STPG4: variants seen among roughly 807,000 people sequenced by gnomAD.
The protein encoded by STPG4 is sperm-tail PG-rich repeat containing 4.
Under a neutral mutation model 31.5 loss-of-function variants are expected in STPG4, and 41 were observed. The ratio of observed to expected loss-of-function variants is 1.30; its 90% CI spans 1.01 to 1.69. The LOEUF (loss-of-function observed/expected upper bound fraction) is 1.69. Among genes scored for constraint, STPG4 ranks in the 40% most tolerant of loss-of-function variants. The probability of loss-of-function intolerance (pLI) is 0.00; values close to 1 mark genes in which losing one functional copy is unlikely to be tolerated. For missense variants in STPG4, 375 were observed against 293.4 expected, an observed-to-expected ratio of 1.28 and a Z score of -2.03; for synonymous variants, 141 against 103.0, an observed-to-expected ratio of 1.37 and a Z score of -2.24.
intron 5 of STPG4, among the ~76,000 whole-genome samples, chr2:47,105,853 A>G (rs1685899273): frequency 6.6e-6 from 1 of 152,096 alleles, no homozygotes; most frequent in Non-Finnish European, 1.5e-5. Flanking sequence ...TGCAATATGG[A>G]AAGAGAAGGA....
chr2:47,155,220 G>C lies in STPG4; in HGVS notation c.32C>G (p.Thr11Ser). The change falls in exon 1 of 7, where the codon ACC (threonine) becomes AGC (serine). Residue 11 changes from threonine to serine, a missense_variant. Coordinates refer to ENST00000445927, the MANE Select transcript of STPG4 (RefSeq NM_001163561.2). MDQPAVATAS[T>S]SIREDLVGGE... Reference sequence around the variant, plus strand: ...ACCCACCAGGTCTTCCCTTATTGAGGTGGAAGCGGTGGCGACGGCTGGCTG... The same window carrying C: ...ACCCACCAGGTCTTCCCTTATTGAGCTGGAAGCGGTGGCGACGGCTGGCTG... The C allele has an allele frequency of 1.2e-6, 2 of 1,614,190 alleles. No individual in the cohort carries two copies. Among genetic ancestry groups the C allele is most frequent in the Non-Finnish European group, 1.7e-6 (2 of 1,180,036 alleles).
intron 5 of STPG4, among the ~76,000 whole-genome samples, chr2:47,113,615 G>A (rs748506624): frequency 3.3e-5 from 5 of 152,076 alleles, no homozygotes; most frequent in African/African-American, 1.2e-4. Flanking sequence ...TAAAAATAAC[G>A]ATAAACAAGA....
chr2:47,097,096 G>A (rs953963864), intron 5 of STPG4, among the ~76,000 whole-genome samples: 1 of 152,112 alleles, frequency 6.6e-6, no homozygotes, highest in South Asian at 2.1e-4. Context: ...CAAGCAGGTA[G>A]AGACTGGCGG....
chr2:47,112,161 G>C (rs1277417329), intron 5 of STPG4, among the ~76,000 whole-genome samples: 1 of 151,992 alleles, frequency 6.6e-6, no homozygotes, highest in Non-Finnish European at 1.5e-5. Context: ...AGATTTTGTT[G>C]TTGTTGTTTT....
chr2:47,105,780 G>C (rs941502657), intron 5 of STPG4, among the ~76,000 whole-genome samples: 1 of 152,026 alleles, frequency 6.6e-6, no homozygotes, highest in African/African-American at 2.4e-5. Flanking sequence ...AACTGGGAAA[G>C]GGAAAAAGAA....
At chr2:47,105,187 G>T (rs1187682542) in intron 5 of STPG4, among the ~76,000 whole-genome samples, 1 of 151,942 alleles carries the variant, frequency 6.6e-6, no homozygotes, top group East Asian at 1.9e-4. Context: ...AGCCGGGATA[G>T]CTCTTGGAGT....
At chr2:47,103,799 A>T (rs1279559611) in intron 5 of STPG4, among the ~76,000 whole-genome samples, 1 of 151,942 alleles carries the variant, frequency 6.6e-6, no homozygotes, top group Non-Finnish European at 1.5e-5. Flanking sequence ...GTGCCAGCTC[A>T]TGTCATCACC....
At chr2:47,107,534 C>T (rs1685940910) in intron 5 of STPG4, among the ~76,000 whole-genome samples, 1 of 152,172 alleles carries the variant, frequency 6.6e-6, no homozygotes, top group African/African-American at 2.4e-5. Flanking sequence ...GGGCTCAGGA[C>T]CTGCAGCCCG....
chr2:47,136,017 A>G (rs1170084347), intron 3 of STPG4, among the ~76,000 whole-genome samples: 3 of 152,230 alleles, frequency 2.0e-5, no homozygotes, highest in African/African-American at 4.8e-5. Context: ...ATAGCCACAA[A>G]ATAACATTCT....
At chr2:47,088,938 G>C (rs1474764084) in intron 6 of STPG4, among the ~76,000 whole-genome samples, 1 of 152,170 alleles carries the variant, frequency 6.6e-6, no homozygotes, top group African/African-American at 2.4e-5. Context: ...CATCTCACAA[G>C]GCCACCCCTC....
In STPG4 at chr2:47,151,345, G is replaced by A; in HGVS notation, c.312C>T (p.Phe104=). ...CCACTTGCTTCTTTAACAGGTCCAG[G>A]AAGTCAGGAGGCATATACTGCGGAA... is the stretch of plus-strand genomic sequence containing the variant. The part of the protein sequence containing the change: ...NDLPQYMPPD[F]LDLLKKQVAT... The change falls in exon 3 of 7, where the codon TTC becomes TTT. Residue 104 remains phenylalanine (F), a synonymous_variant. Transcript: ENST00000445927. The A allele has an allele frequency of 1.2e-6, 2 of 1,614,196 alleles. No homozygotes were observed. Among genetic ancestry groups the A allele is most frequent in the Non-Finnish European group, 1.7e-6 (2 of 1,180,030 alleles).
chr2:47,133,314 G>A lies in STPG4; in HGVS notation c.400-3054C>T, dbSNP rs190971825. Among the ~76,000 whole-genome samples the A allele has an allele frequency of 3.3e-5, 5 of 151,970 alleles. No individual in the cohort carries two copies. In the East Asian group the frequency reaches 5.8e-4, roughly 18 times the overall value. ...TCTGACTACCTGGGACTATAGGCAT[G>A]TGCAACCACACCTAGCTATTTTTTA... is the stretch of plus-strand genomic sequence containing the variant. On this transcript the variant is annotated intron_variant, in intron 3 of 6. Coordinates refer to ENST00000445927, the MANE Select transcript of STPG4 (RefSeq NM_001163561.2).
At chr2:47,142,836 C>CTTTTTTTTTT (rs10686388) in intron 3 of STPG4, among the ~76,000 whole-genome samples, 14 of 73,834 alleles carry the variant, frequency 1.9e-4, no homozygotes, top group African/African-American at 2.2e-4. Flanking sequence ...TTTATCTCAT[C>CTTTTTTTTTT]TTTTTTTTTT....
intron 6 of STPG4, among the ~76,000 whole-genome samples, chr2:47,089,259 C>G (rs1277754617): frequency 6.6e-6 from 1 of 152,000 alleles, no homozygotes. Flanking sequence ...TGTGGATCCC[C>G]CAGCCTCCTG....
chr2:47,089,577 C>G (rs1380135288), intron 6 of STPG4, among the ~76,000 whole-genome samples: 1 of 152,064 alleles, frequency 6.6e-6, no homozygotes, highest in African/African-American at 2.4e-5. Flanking sequence ...TACATACCAG[C>G]AAGTCTTGGG....
chr2:47,128,615 T>C (rs561516251), intron 5 of STPG4, among the ~76,000 whole-genome samples: 12 of 152,184 alleles, frequency 7.9e-5, no homozygotes, highest in African/African-American at 2.9e-4. Context: ...ATACCACTAA[T>C]GTTCACTCAA....
chr2:47,135,499 G>T (rs1039311540), intron 3 of STPG4, among the ~76,000 whole-genome samples: 1 of 152,084 alleles, frequency 6.6e-6, no homozygotes, highest in African/African-American at 2.4e-5. Context: ...CGATTCTCCT[G>T]CTTCAGCCTC....
At chr2:47,139,419 T>TTTC (rs1282902805) in intron 3 of STPG4, among the ~76,000 whole-genome samples, 1 of 151,640 alleles carries the variant, frequency 6.6e-6, no homozygotes, top group Admixed American at 6.6e-5. Context: ...TTTTTTTTTT[T>TTTC]CAATTTGAGA....
intron 5 of STPG4, among the ~76,000 whole-genome samples, chr2:47,107,436 A>G (rs191387616): frequency 0.026 from 3,966 of 152,296 alleles, 199 homozygotes; most frequent in African/African-American, 0.09. Flanking sequence ...CAGCGGCTGC[A>G]GAGGGTGTAC....
Sources: allele counts gnomAD v4.1 joint callset (sites outside exome capture counted in the v4.1 genomes callset), GRCh38; gene constraint gnomAD v4.1.1; transcripts MANE v1.5; gene names NCBI Gene and HGNC (gene_info 2026-07-23, HGNC 2026-07-21).